ASCL5: variants seen among roughly 807,000 people sequenced by gnomAD.
ASCL5 encodes the protein achaete-scute family bHLH transcription factor 5.
For synonymous variants in ASCL5, 124 were observed against 131.5 expected (o/e 0.94, Z 0.39); for missense variants, 262 against 268.9 (o/e 0.97, Z 0.18).
rs1000952953 is a variant in ASCL5 at position 201,115,432 on chromosome 1, C to T, written c.-60G>A. On this transcript the variant is annotated 5_prime_UTR_variant, in exon 2 of 2. Transcript: ENST00000449188. ...CCACCGAATGGCCCCGGCTTGGGGT[C>T]TGCACCGTCTCCACCAGTGGGGCAA... 4.9e-6 allele frequency: 6 copies of T among 1,220,564 alleles called. No homozygotes were observed. The highest frequency in any genetic ancestry group is 5.1e-6 in the Non-Finnish European group (5 of 978,192). 75.6% of individuals were successfully genotyped at this position (1,220,564 alleles called of 1,614,324 possible). A position where few individuals can be genotyped will look rare whatever the true frequency, so the allele number is the denominator to read the frequency against.
rs1178407904 is a variant in ASCL5 at position 201,124,554 on chromosome 1, G to A, written c.-506+2530C>T. Reference sequence around the variant, plus strand: ...CTTGTAGGTGACGGCTATTTCATGGGGGAAAAAAAGCCCTTAGGGGCCACA... The same window carrying A: ...CTTGTAGGTGACGGCTATTTCATGGAGGAAAAAAAGCCCTTAGGGGCCACA... On this transcript the variant is annotated intron_variant, in intron 1 of 1. Coordinates refer to ENST00000449188, the MANE Select transcript of ASCL5 (RefSeq NM_001270601.2). Among the ~76,000 whole-genome samples, 4 of 142,574 alleles carry A rather than the reference G, an allele frequency of 2.8e-5. No homozygotes were observed. The South Asian group carries it at 6.4e-4, about 23-fold the overall frequency. The allele number at this position is 142,574 out of a possible 152,430, so 93.5% of individuals were successfully genotyped here.
At chr1:201,118,267 C>T (rs1663385486) in intron 1 of ASCL5, among the ~76,000 whole-genome samples, 1 of 152,064 alleles carries the variant, frequency 6.6e-6, no homozygotes, top group African/African-American at 2.4e-5. Context: ...ATCACTTGAG[C>T]CCAGGAGTTT....
intron 1 of ASCL5, among the ~76,000 whole-genome samples, chr1:201,123,515 C>T (rs1164375297): frequency 6.6e-6 from 1 of 152,250 alleles, no homozygotes; most frequent in Admixed American, 6.5e-5. Flanking sequence ...GTATCCCCAA[C>T]TTACAGATGA....
At chr1:201,117,910 A>G (rs1225182965) in intron 1 of ASCL5, among the ~76,000 whole-genome samples, 1 of 152,186 alleles carries the variant, frequency 6.6e-6, no homozygotes, top group Non-Finnish European at 1.5e-5. Flanking sequence ...TTTATTGTAC[A>G]AATTTGGGAT....
intron 1 of ASCL5, among the ~76,000 whole-genome samples, chr1:201,116,378 A>C (rs1663350247): frequency 6.6e-6 from 1 of 152,168 alleles, no homozygotes. Context: ...TTGCTGGTCC[A>C]TTCAAAGCCC....
At chr1:201,124,319 C>T (rs549473718) in intron 1 of ASCL5, among the ~76,000 whole-genome samples, 1 of 152,248 alleles carries the variant, frequency 6.6e-6, no homozygotes, top group African/African-American at 2.4e-5. Context: ...GGGGTGGGTA[C>T]CATGGAAGCT....
At chr1:201,118,453 C>A (rs1242937194) in intron 1 of ASCL5, among the ~76,000 whole-genome samples, 1 of 151,002 alleles carries the variant, frequency 6.6e-6, no homozygotes, top group Non-Finnish European at 1.5e-5. Flanking sequence ...CCACTGCACT[C>A]CAGCCTGGGC....
intron 1 of ASCL5, among the ~76,000 whole-genome samples, chr1:201,121,136 T>C (rs12141852): frequency 0.23 from 35,202 of 152,160 alleles, 4,798 homozygotes; most frequent in African/African-American, 0.39. Flanking sequence ...TTGGAGGGCA[T>C]GTTAGCATCA....
intron 1 of ASCL5, among the ~76,000 whole-genome samples, chr1:201,122,965 G>A (rs547254209): frequency 2.6e-5 from 4 of 152,278 alleles, no homozygotes; most frequent in East Asian, 3.9e-4. Context: ...TGTGAGCCAC[G>A]TGGCACCTAA....
At position 201,115,554 on chromosome 1, in the gene ASCL5, C is replaced by T. The variant is rs1267066916; in HGVS notation, c.-182G>A. The T allele has an allele frequency of 9.7e-6, 4 of 414,216 alleles. No individual in the cohort carries two copies. The highest frequency in any genetic ancestry group is 4.4e-5 in the Admixed American group (1 of 22,482). 25.7% of individuals were successfully genotyped at this position (414,216 alleles called of 1,614,324 possible). A position where few individuals can be genotyped will look rare whatever the true frequency, so the allele number is the denominator to read the frequency against. On this transcript the variant is annotated 5_prime_UTR_variant, in exon 2 of 2. Coordinates refer to ENST00000449188, the MANE Select transcript of ASCL5 (RefSeq NM_001270601.2). The stretch of plus-strand genomic sequence containing the variant: ...CCAATGACTCCCTAACAAGAGCCAT[C>T]GCCCTAGACAAGTGTGGCCCCTCTC...
intron 1 of ASCL5, among the ~76,000 whole-genome samples, chr1:201,123,920 G>T (rs1663530749): frequency 6.6e-6 from 1 of 152,166 alleles, no homozygotes; most frequent in Admixed American, 6.5e-5. Flanking sequence ...GGTGGGTTTT[G>T]GGGTTGCAGA....
intron 1 of ASCL5, among the ~76,000 whole-genome samples, chr1:201,122,868 C>T (rs1367590391): frequency 6.6e-6 from 1 of 152,196 alleles, no homozygotes; most frequent in African/African-American, 2.4e-5. Context: ...AGGCCAGTTA[C>T]TGACTTCTAT....
At chr1:201,120,779 A>G (rs964391768) in intron 1 of ASCL5, among the ~76,000 whole-genome samples, 1 of 152,222 alleles carries the variant, frequency 6.6e-6, no homozygotes, top group Non-Finnish European at 1.5e-5. Flanking sequence ...CAGGGAACCC[A>G]TGGCTCTGAA....
Position 201,114,013 on chromosome 1 carries a change from T to G in ASCL5, c.*739A>C, listed in dbSNP as rs1419610604. ...CCGACGCAGTGCCTATGTACCTATA[T>G]GCACGCCCCCCTCCCCCAAGGCTTA... On this transcript the variant is annotated 3_prime_UTR_variant, in exon 2 of 2. Transcript: ENST00000449188. 6.6e-6 allele frequency: 1 copy of G among 152,048 alleles called. No individual in the cohort carries two copies. Among genetic ancestry groups the G allele is most frequent in the Non-Finnish European group, 1.5e-5 (1 of 68,024 alleles). The allele number at this position is 152,048 out of a possible 1,614,324, so 9.4% of individuals were successfully genotyped here.
intron 1 of ASCL5, among the ~76,000 whole-genome samples, chr1:201,120,659 G>T (rs993989154): frequency 1.3e-5 from 2 of 152,232 alleles, no homozygotes; most frequent in African/African-American, 4.8e-5. Flanking sequence ...GAACTTTGAA[G>T]AAGCAGACAA....
Position 201,115,431 on chromosome 1 carries a change from T to C in ASCL5, c.-59A>G. ...TCCACCGAATGGCCCCGGCTTGGGGTCTGCACCGTCTCCACCAGTGGGGCA... is the reference window on the plus strand; with the variant it reads ...TCCACCGAATGGCCCCGGCTTGGGGCCTGCACCGTCTCCACCAGTGGGGCA... On this transcript the variant is annotated 5_prime_UTR_variant, in exon 2 of 2. Transcript: ENST00000449188. 1 of 1,220,670 alleles carries C rather than the reference T, an allele frequency of 8.2e-7. No homozygotes were observed. The highest frequency in any genetic ancestry group is 1.0e-6 in the Non-Finnish European group (1 of 978,168). The allele number at this position is 1,220,670 out of a possible 1,614,324, so 75.6% of individuals were successfully genotyped here.
intron 1 of ASCL5, among the ~76,000 whole-genome samples, chr1:201,124,124 A>G (rs1473852885): frequency 6.6e-6 from 1 of 152,240 alleles, no homozygotes; most frequent in Non-Finnish European, 1.5e-5. Flanking sequence ...TTCAAAGAAG[A>G]CAAAGAGGAA....
chr1:201,116,066 C>T (rs542751558), intron 1 of ASCL5, among the ~76,000 whole-genome samples, 189 bp from the exon 2 acceptor site: 183 of 152,262 alleles, frequency 1.2e-3, no homozygotes, highest in African/African-American at 4.4e-3. Context: ...CACTCTGAGT[C>T]GTGGTTTCCA....
chr1:201,114,828 G>C lies in ASCL5; in HGVS notation c.545C>G (p.Ser182Cys), dbSNP rs1663300488. The C allele has an allele frequency of 8.1e-7, 1 of 1,230,144 alleles. No homozygotes were observed. Among genetic ancestry groups the C allele is most frequent in the African/African-American group, 1.6e-5 (1 of 64,316 alleles). The allele number at this position is 1,230,144 out of a possible 1,614,324, so 76.2% of individuals were successfully genotyped here. A position where few individuals can be genotyped will look rare whatever the true frequency, so the allele number is the denominator to read the frequency against. Reference protein sequence around the residue: ...PGDGEARAPSSLVPESSESSC... With the variant: ...PGDGEARAPSCLVPESSESSC... ...GGACTCGGATGACTCCGGCACCAGG[G>C]AGGAGGGCGCCCGGGCCTCGCCGTC... The change falls in exon 2 of 2, where the codon TCC (serine) becomes TGC (cysteine). Residue 182 changes from serine to cysteine, a missense_variant. Ser to Cys is a moderately radical substitution (Grantham distance 112). Transcript: ENST00000449188.
Sources: gnomAD v4.1 joint callset for allele counts (sites outside exome capture counted in the v4.1 genomes callset) on GRCh38, gnomAD v4.1.1 for gene constraint, MANE v1.5 for transcripts, NCBI Gene and HGNC (gene_info 2026-07-23, HGNC 2026-07-21) for gene names.